MAP7: variants seen among roughly 807,000 people sequenced by gnomAD.
MAP7 encodes ensconsin.
A neutral mutation model predicts 94.8 loss-of-function variants in MAP7; 52 were observed. The ratio of observed to expected loss-of-function variants is 0.55; its 90% CI spans 0.44 to 0.69. The LOEUF is 0.69. Ranked by LOEUF, MAP7 falls within the 30% of genes least tolerant of loss-of-function variation. The pLI is 0.00. For missense variants in MAP7, 940 were observed against 964.6 expected, an observed-to-expected ratio of 0.97 and a Z score of 0.34; for synonymous variants, 350 against 357.0, an observed-to-expected ratio of 0.98 and a Z score of 0.22.
intron 6 of MAP7, among the ~76,000 whole-genome samples, chr6:136,382,234 C>A (rs528904335): frequency 6.6e-6 from 1 of 152,260 alleles, no homozygotes; most frequent in African/African-American, 2.4e-5. Flanking sequence ...ACAGCATGGA[C>A]AGGATATTGC....
At chr6:136,452,342 G>A (rs118140959) in intron 1 of MAP7, among the ~76,000 whole-genome samples, 2,001 of 152,334 alleles carry the variant, frequency 0.013, 18 homozygotes, top group Non-Finnish European at 0.022. Flanking sequence ...TTGTTGAAAG[G>A]ACAAGGGATT....
At chr6:136,430,368 A>G (rs1355155939) in intron 1 of MAP7, among the ~76,000 whole-genome samples, 1 of 152,240 alleles carries the variant, frequency 6.6e-6, no homozygotes, top group Non-Finnish European at 1.5e-5. Context: ...ATACTTACAA[A>G]GTACAGTTAT....
chr6:136,414,981 T>C (rs1000528200), intron 2 of MAP7, among the ~76,000 whole-genome samples: 2 of 151,706 alleles, frequency 1.3e-5, no homozygotes, highest in African/African-American at 4.8e-5. Context: ...GGCCCAGCTA[T>C]TGTATTTTTA....
At chr6:136,490,520 T>C (rs533707641) in intron 1 of MAP7, among the ~76,000 whole-genome samples, 10 of 152,184 alleles carry the variant, frequency 6.6e-5, no homozygotes, top group Non-Finnish European at 1.5e-4. Flanking sequence ...ATGAGTGTTT[T>C]CTCACTCTAA....
At chr6:136,398,686 G>A (rs1448181866) in intron 3 of MAP7, among the ~76,000 whole-genome samples, 4 of 152,100 alleles carry the variant, frequency 2.6e-5, no homozygotes, top group Non-Finnish European at 4.4e-5. Flanking sequence ...ATTGCCCTTT[G>A]CCTCCTGCTA....
chr6:136,510,905 T>C (rs922735874), intron 1 of MAP7, among the ~76,000 whole-genome samples: 1 of 151,858 alleles, frequency 6.6e-6, no homozygotes, highest in African/African-American at 2.4e-5. Context: ...ACATCTAGCA[T>C]AGGGTAGGGA....
At chr6:136,358,867 G>A (rs775732005) in intron 15 of MAP7, among the ~76,000 whole-genome samples, 2 of 152,118 alleles carry the variant, frequency 1.3e-5, no homozygotes, top group Non-Finnish European at 2.9e-5. Flanking sequence ...CTGGGGGACC[G>A]GGGCCCCAGC....
chr6:136,548,343 C>T (rs1226684193), intron 1 of MAP7, among the ~76,000 whole-genome samples: 1 of 152,070 alleles, frequency 6.6e-6, no homozygotes, highest in Non-Finnish European at 1.5e-5. Context: ...TACATTTACA[C>T]CTTCCTTCTT....
intron 1 of MAP7, among the ~76,000 whole-genome samples, chr6:136,469,865 C>A (rs1255664404): frequency 6.6e-6 from 1 of 152,144 alleles, no homozygotes; most frequent in Non-Finnish European, 1.5e-5. Flanking sequence ...ATACAATAAA[C>A]ATTTTGTAAT....
chr6:136,432,803 G>A (rs1005763514), intron 1 of MAP7, among the ~76,000 whole-genome samples: 1 of 151,938 alleles, frequency 6.6e-6, no homozygotes, highest in Non-Finnish European at 1.5e-5. Flanking sequence ...TTATTTATTA[G>A]ATTTTCCATA....
chr6:136,355,455 T>C (rs892376259), intron 16 of MAP7, among the ~76,000 whole-genome samples: 1 of 152,106 alleles, frequency 6.6e-6, no homozygotes, highest in Non-Finnish European at 1.5e-5. Context: ...TTTGGTATTA[T>C]AGTAGGCAAA....
intron 1 of MAP7, among the ~76,000 whole-genome samples, chr6:136,529,989 C>T (rs1828338713): frequency 6.6e-6 from 1 of 152,144 alleles, no homozygotes; most frequent in African/African-American, 2.4e-5. Flanking sequence ...AAAAGACTAA[C>T]ATGTAGTCAC....
chr6:136,359,922 A>G, intron 14 of MAP7, 45 bp from the exon 15 acceptor site: 1 of 1,609,624 alleles, frequency 6.2e-7, no homozygotes, highest in South Asian at 1.1e-5. Flanking sequence ...TAGAGTTACA[A>G]GTGAAAATGA....
At chr6:136,548,760 G>A (rs1303301261) in intron 1 of MAP7, among the ~76,000 whole-genome samples, 1 of 152,170 alleles carries the variant, frequency 6.6e-6, no homozygotes, top group Admixed American at 6.5e-5. Flanking sequence ...TTATTTTTGA[G>A]CACAAACTAA....
intron 1 of MAP7, among the ~76,000 whole-genome samples, chr6:136,510,795 A>T (rs2129030154): frequency 6.6e-6 from 1 of 152,240 alleles, no homozygotes; most frequent in South Asian, 2.1e-4. Flanking sequence ...GTATGTATAG[A>T]AAAAACATAG....
At chr6:136,429,160 C>T (rs1168896972) in intron 1 of MAP7, among the ~76,000 whole-genome samples, 1 of 152,036 alleles carries the variant, frequency 6.6e-6, no homozygotes, top group East Asian at 1.9e-4. Flanking sequence ...GAAAAAATAT[C>T]TCATGTTAAT....
chr6:136,378,176 G>A (rs1033394059), intron 6 of MAP7, among the ~76,000 whole-genome samples: 1 of 152,116 alleles, frequency 6.6e-6, no homozygotes, highest in Non-Finnish European at 1.5e-5. Flanking sequence ...TTCAGCTATT[G>A]TTTTGGTGTA....
intron 16 of MAP7, among the ~76,000 whole-genome samples, chr6:136,347,660 C>T (rs1788060427): frequency 6.6e-6 from 1 of 152,148 alleles, no homozygotes; most frequent in African/African-American, 2.4e-5. Context: ...CCCCCATCGG[C>T]CTCCCAAAGT....
chr6:136,419,885 G>T, intron 2 of MAP7: 1 of 506,264 alleles, frequency 2.0e-6, no homozygotes, highest in South Asian at 2.1e-5. Flanking sequence ...TGTCAAGACT[G>T]AGGATTATCC....
Sources: gnomAD v4.1 joint callset for allele counts (sites outside exome capture counted in the v4.1 genomes callset) on GRCh38, gnomAD v4.1.1 for gene constraint, MANE v1.5 for transcripts, NCBI Gene and HGNC (gene_info 2026-07-23, HGNC 2026-07-21) for gene names.